ADK: variants seen among roughly 807,000 people sequenced by gnomAD.
ADK encodes N6,N6-dimethyladenosine kinase.
Under a neutral mutation model 44.7 loss-of-function variants are expected in ADK, and 24 were observed. The ratio of observed to expected loss-of-function variants is 0.54; its 90% confidence interval spans 0.39 to 0.76. The LOEUF (loss-of-function observed/expected upper bound fraction) is 0.76. ADK is among the 30% of genes least tolerant of loss of function. ADK has a pLI of 0.00. For synonymous variants in ADK, 128 were observed against 142.6 expected (o/e 0.90, Z 0.73); for missense variants, 321 against 425.1 (o/e 0.76, Z 2.15).
At chr10:74,315,145 A>T (rs1840572367) in intron 4 of ADK, among the ~76,000 whole-genome samples, 1 of 152,086 alleles carries the variant, frequency 6.6e-6, no homozygotes. Flanking sequence ...TTCTTAATGT[A>T]ACTTTCAAAG....
chr10:74,327,063 T>C (rs960229402), intron 4 of ADK, among the ~76,000 whole-genome samples: 2 of 152,092 alleles, frequency 1.3e-5, no homozygotes, highest in African/African-American at 2.4e-5. Context: ...TTTATTTTTT[T>C]CTGCTAATTT....
At chr10:74,684,336 C>T (rs188573546) in intron 10 of ADK, among the ~76,000 whole-genome samples, 3 of 152,226 alleles carry the variant, frequency 2.0e-5, no homozygotes, top group African/African-American at 7.2e-5. Context: ...GACCTTTTCT[C>T]ACTCTAAATT....
At chr10:74,424,405 A>G (rs925997848) in intron 6 of ADK, among the ~76,000 whole-genome samples, 1 of 151,750 alleles carries the variant, frequency 6.6e-6, no homozygotes, top group Admixed American at 6.6e-5. Flanking sequence ...ATGGCAGCAC[A>G]TGCCTGTAAT....
chr10:74,171,804 GTCTCTC>G lies in ADK; in HGVS notation c.65+20463_65+20468del, dbSNP rs531929633. 2.0e-5 allele frequency among the ~76,000 whole-genome samples: 3 copies of G among 147,924 alleles called. No homozygotes were observed. The Admixed American group carries it at 2.0e-4, about 10-fold the overall frequency. ...GCTCACTCTCTTTCTGTCTCTCTCT[GTCTCTC>G]TGTGTGTGTGTGTGTGTGTGTGTGT... On this transcript the variant is annotated intron_variant, in intron 1 of 10. Coordinates refer to ENST00000539909, the MANE Select transcript of ADK (RefSeq NM_006721.4).
rs552935457 is a variant in ADK at position 74,287,501 on chromosome 10, C to T, written c.195-27166C>T. Among the ~76,000 whole-genome samples, 6 of 151,452 alleles carry T rather than the reference C, an allele frequency of 4.0e-5. No individual in the cohort carries two copies. In the South Asian group the frequency reaches 8.3e-4, roughly 21 times the overall value. On this transcript the variant is annotated intron_variant, in intron 3 of 10. Coordinates refer to ENST00000539909, the MANE Select transcript of ADK (RefSeq NM_006721.4). ...AAATCTCTTGGATGAGAAAACTAGA[C>T]TTAGGATTTAAGGAAATCTACGTTA...
intron 3 of ADK, among the ~76,000 whole-genome samples, chr10:74,309,735 C>T (rs548751543): frequency 6.6e-6 from 1 of 152,024 alleles, no homozygotes; most frequent in African/African-American, 2.4e-5. Context: ...AGGTCCTAGA[C>T]CTGTGTTTTA....
intron 4 of ADK, among the ~76,000 whole-genome samples, chr10:74,320,753 T>C (rs1447298748): frequency 6.6e-6 from 1 of 152,126 alleles, no homozygotes; most frequent in Non-Finnish European, 1.5e-5. Context: ...TTACCGGAGA[T>C]TTTTCTCTCA....
intron 4 of ADK, among the ~76,000 whole-genome samples, chr10:74,383,689 A>T (rs1434337558): frequency 6.6e-6 from 1 of 152,190 alleles, no homozygotes; most frequent in East Asian, 1.9e-4. Flanking sequence ...GGTTTTATGA[A>T]GAGTGGAAGG....
intron 7 of ADK, among the ~76,000 whole-genome samples, chr10:74,536,185 G>C (rs56795112): frequency 0.03 from 4,516 of 151,980 alleles, 193 homozygotes; most frequent in African/African-American, 0.091. Context: ...CTTTTAACAT[G>C]TAAAATAATG....
chr10:74,706,997 G>A (rs899540831), intron 10 of ADK, among the ~76,000 whole-genome samples: 8 of 152,076 alleles, frequency 5.3e-5, no homozygotes, highest in African/African-American at 1.9e-4. Flanking sequence ...AGTATGTGAA[G>A]TACCTTAGAA....
chr10:74,693,350 G>C (rs1398433182), intron 10 of ADK, among the ~76,000 whole-genome samples: 1 of 152,102 alleles, frequency 6.6e-6, no homozygotes, highest in African/African-American at 2.4e-5. Flanking sequence ...TTAAACCCAA[G>C]TGGGAAAACC....
intron 1 of ADK, among the ~76,000 whole-genome samples, chr10:74,189,787 A>G (rs1263144823): frequency 1.3e-5 from 2 of 152,050 alleles, no homozygotes; most frequent in Non-Finnish European, 2.9e-5. Context: ...GCAACCACTA[A>G]TCTACCTTGT....
At chr10:74,466,879 A>G (rs757637897) in intron 6 of ADK, among the ~76,000 whole-genome samples, 1 of 152,176 alleles carries the variant, frequency 6.6e-6, no homozygotes, top group Non-Finnish European at 1.5e-5. Flanking sequence ...TGGTATTTAT[A>G]TACAACAAAT....
chr10:74,510,464 T>G (rs1848261847), intron 6 of ADK, among the ~76,000 whole-genome samples: 1 of 152,186 alleles, frequency 6.6e-6, no homozygotes, highest in African/African-American at 2.4e-5. Flanking sequence ...TAATCCCCTA[T>G]CTGATGTTAT....
rs528752278 is a variant in ADK at position 74,423,778 on chromosome 10, A to G, written c.555+25199A>G. On this transcript the variant is annotated intron_variant, in intron 6 of 10. Transcript: ENST00000539909. ...ATCTTTTTTGGTGATTTCATAGTACATGGGGGCTGGGCTATGATACCGCTC... is the reference window on the plus strand; with the variant it reads ...ATCTTTTTTGGTGATTTCATAGTACGTGGGGGCTGGGCTATGATACCGCTC... 1.9e-5 allele frequency: 7 copies of G among 366,750 alleles called. No homozygotes were observed. The East Asian group carries it at 4.0e-4, about 21-fold the overall frequency. The allele number at this position is 366,750 out of a possible 1,614,324, so 22.7% of individuals were successfully genotyped here.
intron 10 of ADK, among the ~76,000 whole-genome samples, chr10:74,691,799 A>G (rs570389482): frequency 1.3e-5 from 2 of 152,294 alleles, no homozygotes; most frequent in East Asian, 3.9e-4. Flanking sequence ...AGTAAATACT[A>G]AGAATTTTTT....
At chr10:74,592,088 C>T (rs529982738) in intron 8 of ADK, among the ~76,000 whole-genome samples, 1 of 151,926 alleles carries the variant, frequency 6.6e-6, no homozygotes, top group South Asian at 2.1e-4. Flanking sequence ...GAAGCAGCAG[C>T]TTAGGAGAGC....
intron 4 of ADK, among the ~76,000 whole-genome samples, chr10:74,389,885 C>T (rs1437710544): frequency 6.6e-6 from 1 of 151,964 alleles, no homozygotes; most frequent in Non-Finnish European, 1.5e-5. Context: ...CAGGTTTAAG[C>T]CTGACAGTGA....
At chr10:74,645,339 A>G (rs893951473) in intron 9 of ADK, among the ~76,000 whole-genome samples, 1 of 152,156 alleles carries the variant, frequency 6.6e-6, no homozygotes, top group African/African-American at 2.4e-5. Context: ...TTTCATTTTC[A>G]TGCATCAGAG....
Sources: gnomAD v4.1 joint callset for allele counts (sites outside exome capture counted in the v4.1 genomes callset) on GRCh38, gnomAD v4.1.1 for gene constraint, MANE v1.5 for transcripts, NCBI Gene and HGNC (gene_info 2026-07-23, HGNC 2026-07-21) for gene names.